The following PCNT variants were observed in gnomAD, a reference collection of about 807,000 sequenced individuals.
The protein encoded by PCNT is pericentrin.
PCNT carries 319 observed loss-of-function variants against 380.4 expected under a neutral mutation model. That is an observed-to-expected ratio of 0.84 (90% confidence interval 0.77 to 0.92). The LOEUF is 0.92. Among genes scored for constraint, PCNT ranks in the 40% least tolerant of loss-of-function variants. PCNT has a pLI of 0.00. For synonymous variants in PCNT, 1,845 were observed against 1,735.2 expected (o/e 1.06, Z -1.57); for missense variants, 4,400 against 4,255.3 (o/e 1.03, Z -0.95).
chr21:46,383,940 G>C (rs1451509846), intron 16 of PCNT, among the ~76,000 whole-genome samples: 1 of 145,768 alleles, frequency 6.9e-6, no homozygotes, highest in African/African-American at 2.5e-5. Flanking sequence ...TGGCAGAAGC[G>C]CATTCACAGT....
intron 7 of PCNT, 134 bp downstream of exon 7, chr21:46,349,320 G>C (rs111492704): frequency 1.0e-4 from 84 of 813,812 alleles, no homozygotes; most frequent in African/African-American, 5.1e-4. Context: ...CCCCATGCAC[G>C]TGTGACACGC....
intron 4 of PCNT, 73 bp downstream of exon 4, chr21:46,346,281 GT>G: frequency 2.7e-6 from 2 of 754,106 alleles, no homozygotes; most frequent in East Asian, 3.2e-5. Context: ...GGGCATCCGG[GT>G]GGGGGTGGGG....
In PCNT at chr21:46,353,992, C is replaced by T. The variant is rs1234294458; in HGVS notation, c.1685C>T (p.Ser562Phe). The stretch of plus-strand genomic sequence containing the variant: ...ATAAAATGTTTTCCCTTCAGGTTGT[C>T]CTGTGTGGGTTTAGAAGAGAAACCT... Reference protein sequence around the residue: ...ALLDSVEVGLSCVGLEEKPEK... With the variant: ...ALLDSVEVGLFCVGLEEKPEK... The change falls in exon 11 of 47, where the codon TCC (serine) becomes TTC (phenylalanine). Residue 562 changes from serine (S) to phenylalanine (F), a missense_variant. Physicochemically the swap from Ser to Phe is radical, Grantham distance 155 (BLOSUM62 -2). Coordinates refer to ENST00000359568, the MANE Select transcript of PCNT (RefSeq NM_006031.6). 5 of 1,613,418 alleles carry T rather than the reference C, an allele frequency of 3.1e-6. No individual in the cohort carries two copies. The highest frequency in any genetic ancestry group is 3.4e-6 in the Non-Finnish European group (4 of 1,179,410).
At chr21:46,376,156 G>A (rs2085327293) in intron 15 of PCNT, among the ~76,000 whole-genome samples, 1 of 152,216 alleles carries the variant, frequency 6.6e-6, no homozygotes, top group Non-Finnish European at 1.5e-5. Flanking sequence ...GGCACCAGCT[G>A]TGCTCCTGAG....
At chr21:46,413,102 G>A in intron 29 of PCNT, 110 bp downstream of exon 29, 1 of 527,084 alleles carries the variant, frequency 1.9e-6, no homozygotes, top group Non-Finnish European at 3.4e-6. Flanking sequence ...GGCTGGACAC[G>A]CGGCAGCAAG....
intron 35 of PCNT, among the ~76,000 whole-genome samples, chr21:46,429,590 T>C (rs1203793175): frequency 6.6e-6 from 1 of 152,084 alleles, no homozygotes; most frequent in African/African-American, 2.4e-5. Flanking sequence ...CCCCACGGGG[T>C]GCGGGAAGTA....
chr21:46,371,050 G>GA (rs1236905987), intron 15 of PCNT, among the ~76,000 whole-genome samples: 1 of 151,528 alleles, frequency 6.6e-6, no homozygotes, highest in Non-Finnish European at 1.5e-5. Flanking sequence ...ATATATATAT[G>GA]AAAATAAAAA....
chr21:46,347,444 G>C lies in PCNT; in HGVS notation c.977-13G>C, dbSNP rs1235918093. On this transcript the variant is annotated splice_polypyrimidine_tract_variant and intron_variant, in intron 5 of 46. Transcript: ENST00000359568. ...GATGGAGTGGCCTGAGCTGCTTTTTGTTTTTCTTGCAGCTGAGCTGAAGGA... is the reference window on the plus strand; with the variant it reads ...GATGGAGTGGCCTGAGCTGCTTTTTCTTTTTCTTGCAGCTGAGCTGAAGGA... 3 of 1,604,970 alleles carry C rather than the reference G, an allele frequency of 1.9e-6. No individual in the cohort carries two copies. The highest frequency in any genetic ancestry group is 2.6e-6 in the Non-Finnish European group (3 of 1,175,458).
At chr21:46,360,386 G>C (rs903614913) in intron 13 of PCNT, among the ~76,000 whole-genome samples, 1 of 44,474 alleles carries the variant, frequency 2.2e-5, no homozygotes, top group Middle Eastern at 0.012. Context: ...ACCACGCCTG[G>C]CTAGTTTTTT....
At chr21:46,329,211 A>G (rs1258897673) in intron 2 of PCNT, among the ~76,000 whole-genome samples, 1 of 152,246 alleles carries the variant, frequency 6.6e-6, no homozygotes, top group Non-Finnish European at 1.5e-5. Flanking sequence ...ATTAGAAGGC[A>G]TGGTATAGAC....
chr21:46,364,182 G>A (rs145222569), intron 14 of PCNT, among the ~76,000 whole-genome samples: 8 of 151,874 alleles, frequency 5.3e-5, no homozygotes, highest in Non-Finnish European at 1.0e-4. Context: ...CTTTGTGCTC[G>A]GACAGGCAGG....
intron 2 of PCNT, among the ~76,000 whole-genome samples, chr21:46,332,427 AAAC>A (rs1259638710): frequency 6.6e-6 from 1 of 152,246 alleles, no homozygotes; most frequent in Non-Finnish European, 1.5e-5. Flanking sequence ...CAATAATTTA[AAAC>A]AACTTTATAA....
At chr21:46,333,998 A>T (rs1034985870) in intron 2 of PCNT, among the ~76,000 whole-genome samples, 2 of 152,148 alleles carry the variant, frequency 1.3e-5, no homozygotes, top group African/African-American at 4.8e-5. Flanking sequence ...CGAGGTCAGG[A>T]GATCAAGACC....
At chr21:46,346,077 G>A (rs752500569) in intron 3 of PCNT, 51 bp from the exon 4 acceptor site, 12 of 1,546,896 alleles carry the variant, frequency 7.8e-6, no homozygotes, top group Non-Finnish European at 1.1e-5. Flanking sequence ...GCACATCACT[G>A]TGGCTTCTCA....
chr21:46,324,595 C>T (rs1482035188), intron 1 of PCNT, among the ~76,000 whole-genome samples: 3 of 150,180 alleles, frequency 2.0e-5, no homozygotes, highest in African/African-American at 7.3e-5. Flanking sequence ...GGGCGCGGTG[C>T]ACGCCGGGGC....
intron 15 of PCNT, among the ~76,000 whole-genome samples, chr21:46,380,100 T>C (rs2085465024): frequency 6.6e-6 from 1 of 150,766 alleles, no homozygotes; most frequent in African/African-American, 2.4e-5. Context: ...AGTGCGGCTA[T>C]TAAACACTTG....
At chr21:46,439,908 G>A (rs1052034698) in intron 41 of PCNT, among the ~76,000 whole-genome samples, 175 bp from the exon 42 acceptor site, 5 of 152,180 alleles carry the variant, frequency 3.3e-5, no homozygotes, top group African/African-American at 7.2e-5. Context: ...ATCACAGCAC[G>A]GCGTAACCTA....
intron 17 of PCNT, among the ~76,000 whole-genome samples, chr21:46,386,481 G>C (rs145083874): frequency 6.6e-6 from 1 of 152,232 alleles, no homozygotes; most frequent in Non-Finnish European, 1.5e-5. Flanking sequence ...TCCATTGGGA[G>C]CCTGTGCCTG....
intron 3 of PCNT, among the ~76,000 whole-genome samples, chr21:46,339,469 G>A (rs1461317628): frequency 6.6e-6 from 1 of 152,216 alleles, no homozygotes; most frequent in Non-Finnish European, 1.5e-5. Flanking sequence ...ACAAGGTGAG[G>A]TCCCACAGTA....
Sources: allele counts gnomAD v4.1 joint callset (sites outside exome capture counted in the v4.1 genomes callset), GRCh38; gene constraint gnomAD v4.1.1; transcripts MANE v1.5; gene names NCBI Gene and HGNC (gene_info 2026-07-23, HGNC 2026-07-21).